PTPRE: variants seen among roughly 807,000 people sequenced by gnomAD.
PTPRE encodes the protein protein tyrosine phosphatase receptor type E, also known as receptor-type tyrosine-protein phosphatase epsilon.
Under a neutral mutation model 102.0 loss-of-function variants are expected in PTPRE, and 51 were observed. That is an observed-to-expected ratio of 0.50 (90% confidence interval 0.40 to 0.63). PTPRE has a LOEUF of 0.63. Ranked by LOEUF, PTPRE falls within the 30% of genes least tolerant of loss-of-function variation. The probability of loss-of-function intolerance (pLI) is 0.00; values close to 1 mark genes in which losing one functional copy is unlikely to be tolerated. For synonymous variants in PTPRE, 345 were observed against 348.2 expected, an observed-to-expected ratio of 0.99 and a Z score of 0.10; for missense variants, 752 against 915.1, an observed-to-expected ratio of 0.82 and a Z score of 2.30.
At position 128,061,020 on chromosome 10, in the gene PTPRE, G is replaced by A; in HGVS notation, c.588+5G>A. ...ATCAATGCTTCCTACATAGATGTAA[G>A]TGGGCAGAGGTTTCTTGTTCCCCTG... On this transcript the variant is annotated splice_donor_5th_base_variant and intron_variant, in intron 8 of 20. Transcript: ENST00000254667. 1 of 1,613,696 alleles carries A rather than the reference G, an allele frequency of 6.2e-7. No homozygotes were observed. Among genetic ancestry groups the A allele is most frequent in the Non-Finnish European group, 8.5e-7 (1 of 1,179,610 alleles).
At chr10:128,051,895 G>T (rs7906318) in intron 6 of PTPRE, among the ~76,000 whole-genome samples, 11 of 152,198 alleles carry the variant, frequency 7.2e-5, no homozygotes, top group Non-Finnish European at 1.5e-4. Context: ...ATGGGGTCTC[G>T]CTGTGTCTCC....
At chr10:127,925,327 C>T (rs569795078) in intron 1 of PTPRE, among the ~76,000 whole-genome samples, 1 of 152,306 alleles carries the variant, frequency 6.6e-6, no homozygotes, top group East Asian at 1.9e-4. Context: ...TATTTGTCAC[C>T]TGATTTAGCC....
Position 127,932,457 on chromosome 10 carries a change from GAC to G in PTPRE, c.-31+25150_-31+25151del, listed in dbSNP as rs541689725. On this transcript the variant is annotated intron_variant, in intron 1 of 20. Coordinates refer to ENST00000254667, the MANE Select transcript of PTPRE (RefSeq NM_006504.6). Reference sequence around the variant, plus strand: ...TGTACAGTTCTTCTGGGGAAATGAAGACATACACAGGTGGAACGGTAAGAACA... The same window carrying G: ...TGTACAGTTCTTCTGGGGAAATGAAGATACACAGGTGGAACGGTAAGAACA... 2.0e-3 allele frequency among the ~76,000 whole-genome samples: 312 copies of G among 152,330 alleles called. 5 individuals carry two copies. The highest frequency in any genetic ancestry group is 1.7e-3 in the Non-Finnish European group (114 of 68,020).
chr10:127,968,805 C>T (rs933894979), intron 1 of PTPRE, among the ~76,000 whole-genome samples: 2 of 152,176 alleles, frequency 1.3e-5, no homozygotes, highest in Non-Finnish European at 2.9e-5. Context: ...ATGAGCAGAC[C>T]ATAGTATAAA....
rs576379770 is a variant in PTPRE, at chr10:128,028,451, C to T, written c.-7-12424C>T. On this transcript the variant is annotated intron_variant, in intron 2 of 20. Coordinates refer to ENST00000254667, the MANE Select transcript of PTPRE (RefSeq NM_006504.6). The surrounding 1 kb of genome is among the most constrained non-coding windows in gnomAD (Gnocchi z 4.5). ...CCATCTTTTCTTTCTCCAGCTGCCT[C>T]TGAAGGTCACAGAATCTGCATTTCT... Among the ~76,000 whole-genome samples, 54 of 152,180 alleles carry T rather than the reference C, an allele frequency of 3.5e-4. No individual in the cohort carries two copies. Among genetic ancestry groups the T allele is most frequent in the Non-Finnish European group, 4.6e-4 (31 of 68,030 alleles).
intron 1 of PTPRE, among the ~76,000 whole-genome samples, chr10:127,942,514 T>C (rs1031169510): frequency 1.3e-5 from 2 of 152,208 alleles, no homozygotes; most frequent in African/African-American, 2.4e-5. Context: ...AATGTGGTCA[T>C]ACATGCAATG....
At chr10:128,073,129 G>A (rs1045888414) in intron 16 of PTPRE, among the ~76,000 whole-genome samples, 1 of 152,198 alleles carries the variant, frequency 6.6e-6, no homozygotes, top group East Asian at 1.9e-4. Flanking sequence ...GGGGCTGACG[G>A]TGGCCGTTAT....
At position 128,068,091 on chromosome 10, in the gene PTPRE, CA is replaced by C; in HGVS notation, c.844-31del. 3.8e-6 allele frequency: 6 copies of C among 1,593,404 alleles called. No homozygotes were observed. The Middle Eastern group carries it at 1.1e-3, about 296-fold the overall frequency. Reference sequence around the variant, plus strand: ...TGGGGGAGCAGGGGGAGGATTGTTTCACCCACTCTTGTCTCCCCGCGTCCCC... The same window carrying C: ...TGGGGGAGCAGGGGGAGGATTGTTTCCCCACTCTTGTCTCCCCGCGTCCCC... On this transcript the variant is annotated intron_variant, in intron 11 of 20. Coordinates refer to ENST00000254667, the MANE Select transcript of PTPRE (RefSeq NM_006504.6).
chr10:128,056,989 G>A (rs574065034), intron 7 of PTPRE, among the ~76,000 whole-genome samples: 11 of 152,278 alleles, frequency 7.2e-5, no homozygotes, highest in Non-Finnish European at 1.5e-4. Context: ...GCCGAGGCAG[G>A]TGGATCACCT....
chr10:128,030,665 A>G (rs546366978), intron 2 of PTPRE, among the ~76,000 whole-genome samples: 11 of 152,096 alleles, frequency 7.2e-5, no homozygotes, highest in Non-Finnish European at 1.5e-4. Context: ...TGCTTTGAGC[A>G]GTGCCGCGTG....
intron 1 of PTPRE, among the ~76,000 whole-genome samples, chr10:127,939,820 G>A (rs546966970): frequency 1.3e-5 from 2 of 152,104 alleles, no homozygotes; most frequent in Admixed American, 1.3e-4. Context: ...GAGGAGACAG[G>A]AAGAAGCAGG....
chr10:127,996,624 C>T (rs1193010263), intron 2 of PTPRE, among the ~76,000 whole-genome samples: 1 of 152,222 alleles, frequency 6.6e-6, no homozygotes, highest in Non-Finnish European at 1.5e-5. Context: ...CGGCATTCGG[C>T]TTCAGCCTCC....
chr10:127,992,158 AG>A (rs1852736067), intron 2 of PTPRE, among the ~76,000 whole-genome samples: 1 of 152,110 alleles, frequency 6.6e-6, no homozygotes, highest in Non-Finnish European at 1.5e-5. Context: ...GGGGTGAGAA[AG>A]GGAGGCTGGA....
chr10:127,982,760 G>T (rs1851745330), intron 2 of PTPRE, among the ~76,000 whole-genome samples: 1 of 152,092 alleles, frequency 6.6e-6, no homozygotes, highest in Non-Finnish European at 1.5e-5. Context: ...TCTCCGGATT[G>T]CATGCTCAGT....
intron 6 of PTPRE, among the ~76,000 whole-genome samples, chr10:128,051,180 A>G (rs1053629761): frequency 6.6e-6 from 1 of 152,112 alleles, no homozygotes; most frequent in African/African-American, 2.4e-5. Context: ...TGTTTCCCCA[A>G]GTGACAGGGG....
rs549260368 is a variant in PTPRE at position 127,932,221 on chromosome 10, G to A, written c.-31+24912G>A. ...AAAACATTGAAAAAGCAAATTACAC[G>A]CAAAGTCTATATTGAAAATTAACAT... is the stretch of plus-strand genomic sequence containing the variant. On this transcript the variant is annotated intron_variant, in intron 1 of 20. Transcript: ENST00000254667. 1.2e-4 allele frequency among the ~76,000 whole-genome samples: 19 copies of A among 152,258 alleles called. No individual in the cohort carries two copies. The East Asian group carries it at 2.7e-3, about 22-fold the overall frequency.
rs537656211 is a variant in PTPRE at position 127,942,041 on chromosome 10, A to G, written c.-31+34732A>G. On this transcript the variant is annotated intron_variant, in intron 1 of 20. Transcript: ENST00000254667. ...AGCTGAATGTCTTTTTATCTCATAGAAAAAAAAAAATAGGTCAGCCTCCCC... is the reference window on the plus strand; with the variant it reads ...AGCTGAATGTCTTTTTATCTCATAGGAAAAAAAAAATAGGTCAGCCTCCCC... Among the ~76,000 whole-genome samples the G allele has an allele frequency of 8.4e-3, 578 of 69,086 alleles. 3 individuals carry two copies. Among genetic ancestry groups the G allele is most frequent in the African/African-American group, 0.033 (534 of 16,098 alleles). 45.3% of individuals were successfully genotyped at this position (69,086 alleles called of 152,430 possible).
chr10:127,961,506 C>G (rs926472753), intron 1 of PTPRE, among the ~76,000 whole-genome samples: 1 of 152,136 alleles, frequency 6.6e-6, no homozygotes, highest in African/African-American at 2.4e-5. Context: ...AGGAGGGCCC[C>G]CAGGAGGCCC....
intron 1 of PTPRE, among the ~76,000 whole-genome samples, chr10:127,924,462 G>A (rs1370732231): frequency 6.6e-6 from 1 of 152,162 alleles, no homozygotes; most frequent in Non-Finnish European, 1.5e-5. Context: ...CTGATCTCAA[G>A]ATCCTACGCC....
Sources: allele counts gnomAD v4.1 joint callset (sites outside exome capture counted in the v4.1 genomes callset), GRCh38; gene constraint gnomAD v4.1.1; non-coding constraint Gnocchi (gnomAD v3.1); transcripts MANE v1.5; gene names NCBI Gene and HGNC (gene_info 2026-07-23, HGNC 2026-07-21).